PRKD1: variants seen among roughly 807,000 people sequenced by gnomAD.
The protein encoded by PRKD1 is protein kinase D1, also known as serine/threonine-protein kinase D1.
Under a neutral mutation model 95.9 loss-of-function variants are expected in PRKD1, and 63 were observed. The ratio of observed to expected loss-of-function variants is 0.66; its 90% CI spans 0.54 to 0.81. The LOEUF is 0.81. Among genes scored for constraint, PRKD1 ranks in the 30% least tolerant of loss-of-function variants. PRKD1 has a pLI of 0.00. For missense variants in PRKD1, 1,048 were observed against 1,165.3 expected, an observed-to-expected ratio of 0.90 and a Z score of 1.47; for synonymous variants, 425 against 423.1, an observed-to-expected ratio of 1.00 and a Z score of -0.05.
At chr14:29,799,842 T>G (rs937738839) in intron 1 of PRKD1, among the ~76,000 whole-genome samples, 1 of 152,242 alleles carries the variant, frequency 6.6e-6, no homozygotes, top group African/African-American at 2.4e-5. Flanking sequence ...CATTCCCAGC[T>G]TACACTGCCT....
intron 1 of PRKD1, among the ~76,000 whole-genome samples, chr14:29,885,804 T>TAAAAAAAAAAAAAAAA: frequency 1.9e-5 from 1 of 53,484 alleles, no homozygotes; most frequent in Non-Finnish European, 3.7e-5. Context: ...CCATCTTTAC[T>TAAAAAAAAAAAAAAAA]AAAAAAAAAA....
At chr14:29,596,273 G>A (rs1594347704) in intron 16 of PRKD1, among the ~76,000 whole-genome samples, 1 of 152,164 alleles carries the variant, frequency 6.6e-6, no homozygotes, top group African/African-American at 2.4e-5. Flanking sequence ...CATAAGAGAT[G>A]TTTACAAATG....
intron 1 of PRKD1, among the ~76,000 whole-genome samples, chr14:29,890,762 C>G (rs1252909113): frequency 6.6e-6 from 1 of 152,050 alleles, no homozygotes; most frequent in African/African-American, 2.4e-5. Context: ...AACACAGAAA[C>G]AAATTATACC....
chr14:29,749,285 A>C (rs1887370194), intron 1 of PRKD1, among the ~76,000 whole-genome samples: 1 of 152,200 alleles, frequency 6.6e-6, no homozygotes, highest in African/African-American at 2.4e-5. Context: ...TCTTCAAAAA[A>C]GCATGAAAGA....
At position 29,780,311 on chromosome 14, in the gene PRKD1, T is replaced by TTC. The variant is rs1464651742; in HGVS notation, c.265-54639_265-54638dup. Among the ~76,000 whole-genome samples the TTC allele has an allele frequency of 1.2e-4, 18 of 152,262 alleles. No individual in the cohort carries two copies. In the East Asian group the frequency reaches 3.3e-3, roughly 28 times the overall value. ...ATGGGATCTAATTAAACTAAAGAGCTTCTGCACATCAAAAGAAACTACCAT... is the reference window on the plus strand; with the variant it reads ...ATGGGATCTAATTAAACTAAAGAGCTTCTCTGCACATCAAAAGAAACTACCAT... On this transcript the variant is annotated intron_variant, in intron 1 of 17. Coordinates refer to ENST00000331968, the MANE Select transcript of PRKD1 (RefSeq NM_002742.3).
At chr14:29,770,782 C>T (rs982898025) in intron 1 of PRKD1, among the ~76,000 whole-genome samples, 13 of 151,978 alleles carry the variant, frequency 8.6e-5, no homozygotes, top group African/African-American at 2.9e-4. Flanking sequence ...CCCTGCACAA[C>T]ACAGTGAGAC....
intron 1 of PRKD1, among the ~76,000 whole-genome samples, chr14:29,806,757 A>T (rs1421309496): frequency 6.6e-6 from 1 of 152,194 alleles, no homozygotes; most frequent in Non-Finnish European, 1.5e-5. Context: ...CAGATTTGTA[A>T]ATGTATTTAC....
intron 2 of PRKD1, among the ~76,000 whole-genome samples, chr14:29,716,621 G>GA (rs570392179): frequency 1.7e-3 from 256 of 152,274 alleles, no homozygotes; most frequent in Admixed American, 4.2e-3. Context: ...GCTCCAGAAA[G>GA]AAAAAGACAA....
intron 1 of PRKD1, among the ~76,000 whole-genome samples, chr14:29,770,930 C>CAAA (rs753745571): frequency 3.2e-4 from 15 of 47,100 alleles, no homozygotes; most frequent in African/African-American, 6.6e-4. Context: ...AGACACTGTC[C>CAAA]AAAAAAAAAA....
At chr14:29,736,150 G>A (rs762949343) in intron 1 of PRKD1, among the ~76,000 whole-genome samples, 5 of 152,194 alleles carry the variant, frequency 3.3e-5, no homozygotes, top group East Asian at 3.9e-4. Flanking sequence ...ACATGTGAAC[G>A]TGGAGACCTA....
chr14:29,600,880 C>G (rs1484809057), intron 13 of PRKD1, among the ~76,000 whole-genome samples: 1 of 151,882 alleles, frequency 6.6e-6, no homozygotes, highest in Non-Finnish European at 1.5e-5. Flanking sequence ...GATCATTTGA[C>G]CTTTACCTTT....
intron 7 of PRKD1, 133 bp from the exon 8 acceptor site, chr14:29,634,674 T>C: frequency 8.3e-7 from 1 of 1,203,642 alleles, no homozygotes; most frequent in Non-Finnish European, 1.2e-6. Flanking sequence ...GTAAAACGTA[T>C]TGTCAGGCAC....
Position 29,597,507 on chromosome 14 carries a change from C to T in PRKD1, c.2418G>A (p.Lys806=), listed in dbSNP as rs943336716. ...AAFMYPPNPW[K]EISHEAIDLI... ...AGATATTACCTTCATGAGATATTTCCTTCCAGGGATTTGGTGGATACATGA... is the reference window on the plus strand; with the variant it reads ...AGATATTACCTTCATGAGATATTTCTTTCCAGGGATTTGGTGGATACATGA... Residue 806 remains lysine (K), a synonymous_variant, in exon 16 of 18, where the codon AAG becomes AAA. Transcript: ENST00000331968. 11 of 1,603,058 alleles carry T rather than the reference C, an allele frequency of 6.9e-6. No homozygotes were observed. Among genetic ancestry groups the T allele is most frequent in the South Asian group, 1.1e-5 (1 of 90,258 alleles).
chr14:29,597,640 C>T lies in PRKD1; in HGVS notation c.2285G>A (p.Arg762His), dbSNP rs758982696. Residue 762 changes from arginine to histidine, a missense_variant, in exon 16 of 18, where the codon CGC becomes CAC. Transcript: ENST00000331968. ...CCCAACAGACCACATGTCTAGAGAGCGATTGTAGCCCTTGTTCCTTAGGAC... is the reference window on the plus strand; with the variant it reads ...CCCAACAGACCACATGTCTAGAGAGTGATTGTAGCCCTTGTTCCTTAGGAC... ...PEVLRNKGYN[R>H]SLDMWSVGVI... 1.2e-6 allele frequency: 2 copies of T among 1,614,006 alleles called. No individual in the cohort carries two copies. Among genetic ancestry groups the T allele is most frequent in the East Asian group, 2.2e-5 (1 of 44,864 alleles).
At chr14:29,593,895 AAT>A (rs1893211940) in intron 16 of PRKD1, among the ~76,000 whole-genome samples, 1 of 152,216 alleles carries the variant, frequency 6.6e-6, no homozygotes, top group Admixed American at 6.5e-5. Context: ...AGGAATAATT[AAT>A]GAGTAAAATA....
chr14:29,724,671 T>G (rs1886056372), intron 2 of PRKD1, among the ~76,000 whole-genome samples: 1 of 152,134 alleles, frequency 6.6e-6, no homozygotes, highest in Non-Finnish European at 1.5e-5. Flanking sequence ...TTGAGGAACT[T>G]GAGGAAATAA....
At chr14:29,850,349 G>A (rs1000191007) in intron 1 of PRKD1, among the ~76,000 whole-genome samples, 21 of 151,676 alleles carry the variant, frequency 1.4e-4, no homozygotes, top group African/African-American at 5.1e-4. Flanking sequence ...TAAATGACTT[G>A]GATCAAGTTT....
At chr14:29,835,129 T>C (rs903337197) in intron 1 of PRKD1, among the ~76,000 whole-genome samples, 2 of 151,666 alleles carry the variant, frequency 1.3e-5, no homozygotes, top group African/African-American at 2.4e-5. Flanking sequence ...AAATGTGTCA[T>C]GTACTCATGC....
intron 4 of PRKD1, among the ~76,000 whole-genome samples, chr14:29,654,514 T>C (rs886654553): frequency 6.6e-6 from 1 of 152,128 alleles, no homozygotes; most frequent in Admixed American, 6.6e-5. Context: ...CTTTTACAAA[T>C]ACGCAAAAAA....
Sources: allele counts gnomAD v4.1 joint callset (sites outside exome capture counted in the v4.1 genomes callset), GRCh38; gene constraint gnomAD v4.1.1; transcripts MANE v1.5; gene names NCBI Gene and HGNC (gene_info 2026-07-23, HGNC 2026-07-21).